SPON1: variants seen among roughly 807,000 people sequenced by gnomAD.
SPON1 encodes spondin 1.
SPON1 carries 52 observed loss-of-function variants against 111.7 expected under a neutral mutation model. The ratio of observed to expected loss-of-function variants is 0.47; its 90% CI spans 0.37 to 0.59. The LOEUF (loss-of-function observed/expected upper bound fraction) is 0.59, where lower values mean the gene tolerates loss of function less well. Among genes scored for constraint, SPON1 ranks in the 20% least tolerant of loss-of-function variants. The pLI is 0.00. For synonymous variants in SPON1, 410 were observed against 395.8 expected, an observed-to-expected ratio of 1.04 and a Z score of -0.43; for missense variants, 957 against 1,068.5, an observed-to-expected ratio of 0.90 and a Z score of 1.46.
At chr11:14,008,260 T>G (rs1848378748) in intron 2 of SPON1, among the ~76,000 whole-genome samples, 1 of 152,196 alleles carries the variant, frequency 6.6e-6, no homozygotes, top group Non-Finnish European at 1.5e-5. Flanking sequence ...GGAGTAGCTG[T>G]GGATTTTGAT....
intron 7 of SPON1, among the ~76,000 whole-genome samples, chr11:14,254,315 G>A (rs1474412633): frequency 6.6e-6 from 1 of 152,170 alleles, no homozygotes; most frequent in Non-Finnish European, 1.5e-5. Flanking sequence ...TGGATAGGGT[G>A]GTAGTATATG....
intron 6 of SPON1, among the ~76,000 whole-genome samples, chr11:14,195,529 G>A (rs1246471078): frequency 4.6e-5 from 7 of 152,162 alleles, no homozygotes; most frequent in Non-Finnish European, 7.3e-5. Flanking sequence ...ATGCCCATGA[G>A]CATAATACTT....
intron 6 of SPON1, among the ~76,000 whole-genome samples, chr11:14,175,162 C>T (rs1294685969): frequency 6.6e-6 from 1 of 152,210 alleles, no homozygotes; most frequent in Non-Finnish European, 1.5e-5. Context: ...GCCTTAGCTA[C>T]TGAGCTGTAC....
intron 2 of SPON1, among the ~76,000 whole-genome samples, chr11:14,031,469 A>G (rs892338280): frequency 6.6e-6 from 1 of 152,232 alleles, no homozygotes; most frequent in Admixed American, 6.5e-5. Flanking sequence ...AACGCAGTCA[A>G]TGCAGCCATT....
chr11:14,151,360 A>G (rs11023113), intron 6 of SPON1, among the ~76,000 whole-genome samples: 58,956 of 151,772 alleles, frequency 0.39, 11,638 homozygotes, highest in East Asian at 0.55. Context: ...AGAAAGGTGG[A>G]GTCCTTTCAT....
At position 14,243,402 on chromosome 11, in the gene SPON1, T is replaced by C. The variant is rs2133918476; in HGVS notation, c.890+6T>C. On this transcript the variant is annotated splice_donor_region_variant and intron_variant, in intron 7 of 15. Transcript: ENST00000576479. ...GCCTGGCAGCCTCTCAACGTGTAAG[T>C]AACACAAGTCCCTTGCCTGGCCTGT... is the stretch of plus-strand genomic sequence containing the variant. The C allele has an allele frequency of 1.3e-6, 2 of 1,566,932 alleles. No individual in the cohort carries two copies. The highest frequency in any genetic ancestry group is 1.7e-6 in the Non-Finnish European group (2 of 1,155,288).
intron 6 of SPON1, among the ~76,000 whole-genome samples, chr11:14,220,940 G>A (rs1223054063): frequency 1.3e-5 from 2 of 152,166 alleles, no homozygotes; most frequent in East Asian, 3.8e-4. Flanking sequence ...GCCAGGGTCA[G>A]GACAAAGGAA....
intron 3 of SPON1, among the ~76,000 whole-genome samples, chr11:14,067,151 T>G (rs1337968271): frequency 6.6e-6 from 1 of 151,826 alleles, no homozygotes; most frequent in African/African-American, 2.4e-5. Context: ...CATTCCAGCC[T>G]GGGCGAGACA....
chr11:14,051,680 G>A (rs1848708964), intron 3 of SPON1, among the ~76,000 whole-genome samples: 1 of 152,110 alleles, frequency 6.6e-6, no homozygotes, highest in African/African-American at 2.4e-5. Flanking sequence ...AGACTTTCCA[G>A]CCCCCAGGAC....
intron 6 of SPON1, among the ~76,000 whole-genome samples, chr11:14,143,649 T>C (rs1847683886): frequency 6.6e-6 from 1 of 150,898 alleles, no homozygotes; most frequent in African/African-American, 2.4e-5. Flanking sequence ...TTAGACTGAG[T>C]TGCAGGGCCC....
chr11:14,169,910 A>G (rs1848077029), intron 6 of SPON1, among the ~76,000 whole-genome samples: 1 of 152,202 alleles, frequency 6.6e-6, no homozygotes, highest in African/African-American at 2.4e-5. Context: ...CTTGTAGTAT[A>G]GCTTGAAGTC....
At position 13,963,926 on chromosome 11, in the gene SPON1, C is replaced by T. The variant is rs912113918; in HGVS notation, c.238+784C>T. Among the ~76,000 whole-genome samples, 4 of 152,200 alleles carry T rather than the reference C, an allele frequency of 2.6e-5. No homozygotes were observed. The South Asian group carries it at 8.3e-4, about 32-fold the overall frequency. On this transcript the variant is annotated intron_variant, in intron 1 of 15. Coordinates refer to ENST00000576479, the MANE Select transcript of SPON1 (RefSeq NM_006108.4). ...ATGCCCGAGGCCTGCTCCCTGGAGGCCGGGGAACCTTGGCTCCGGCAGCTC... is the reference window on the plus strand; with the variant it reads ...ATGCCCGAGGCCTGCTCCCTGGAGGTCGGGGAACCTTGGCTCCGGCAGCTC...
intron 10 of SPON1, among the ~76,000 whole-genome samples, chr11:14,256,961 G>A (rs191344768): frequency 4.3e-4 from 66 of 152,252 alleles, no homozygotes; most frequent in Middle Eastern, 6.8e-3. Context: ...AATGGGCTTC[G>A]CAGGATTCAG....
At chr11:14,136,491 G>GA (rs1421119154) in intron 6 of SPON1, among the ~76,000 whole-genome samples, 2 of 152,138 alleles carry the variant, frequency 1.3e-5, no homozygotes, top group African/African-American at 4.8e-5. Context: ...AAACACCAGG[G>GA]ACCCCATCTC....
chr11:14,090,436 TAGTG>T (rs781820501), intron 5 of SPON1, among the ~76,000 whole-genome samples: 7 of 152,166 alleles, frequency 4.6e-5, no homozygotes, highest in African/African-American at 1.4e-4. Context: ...CGGACCCTCG[TAGTG>T]AGTGTTACAG....
chr11:13,973,773 A>C (rs1848081211), intron 1 of SPON1, among the ~76,000 whole-genome samples: 1 of 152,250 alleles, frequency 6.6e-6, no homozygotes, highest in South Asian at 2.1e-4. Context: ...GCTGTTTTAC[A>C]GGTAAGGACA....
At chr11:14,106,050 A>G (rs782531364) in intron 5 of SPON1, among the ~76,000 whole-genome samples, 1 of 152,110 alleles carries the variant, frequency 6.6e-6, no homozygotes, top group Non-Finnish European at 1.5e-5. Context: ...TTAAGTAGTC[A>G]CCTGTTTTGA....
At position 14,143,286 on chromosome 11, in the gene SPON1, G is replaced by A. The variant is rs1435562152; in HGVS notation, c.825+7718G>A. ...ACTAAGAAGGGAACTGAAGGCCTGG[G>A]TGTGGTGGCTCATGCCTGTAATCCC... On this transcript the variant is annotated intron_variant, in intron 6 of 15. Transcript: ENST00000576479. Among the ~76,000 whole-genome samples, 3 of 152,214 alleles carry A rather than the reference G, an allele frequency of 2.0e-5. No individual in the cohort carries two copies. In the East Asian group the frequency reaches 5.8e-4, roughly 29 times the overall value.
intron 6 of SPON1, among the ~76,000 whole-genome samples, chr11:14,241,176 G>A (rs1191353558): frequency 6.6e-6 from 1 of 152,116 alleles, no homozygotes; most frequent in Non-Finnish European, 1.5e-5. Flanking sequence ...CAGAAGGCAG[G>A]GTTGCTGTTG....
Sources: gnomAD v4.1 joint callset for allele counts (sites outside exome capture counted in the v4.1 genomes callset) on GRCh38, gnomAD v4.1.1 for gene constraint, MANE v1.5 for transcripts, NCBI Gene and HGNC (gene_info 2026-07-23, HGNC 2026-07-21) for gene names.